KCNT1: variants seen among roughly 807,000 people sequenced by gnomAD.
The protein encoded by KCNT1 is potassium channel subfamily T member 1.
A neutral mutation model predicts 147.8 loss-of-function variants in KCNT1; 78 were observed. The ratio of observed to expected loss-of-function variants is 0.53; its 90% CI spans 0.44 to 0.64. KCNT1 has a LOEUF of 0.64. Ranked by LOEUF, KCNT1 falls within the 30% of genes least tolerant of loss-of-function variation. KCNT1 has a pLI of 0.00. For missense variants in KCNT1, 1,419 were observed against 1,750.3 expected (o/e 0.81, Z 3.38); for synonymous variants, 867 against 748.8 (o/e 1.16, Z -2.58).
At position 135,768,249 on chromosome 9, in the gene KCNT1, G is replaced by C. The variant is rs1204246776; in HGVS notation, c.1338-361G>C. ...AGGCCCAGGATGCCTGCGGGGGGGG[G>C]GGGGGGGGCACTGGGATACCGGTGG... On this transcript the variant is annotated intron_variant, in intron 13 of 30. Transcript: ENST00000371757. Among the ~76,000 whole-genome samples the C allele has an allele frequency of 1.0e-4, 4 of 39,978 alleles. 1 individual carries two copies. Among genetic ancestry groups the C allele is most frequent in the Admixed American group, 2.2e-4 (1 of 4,522 alleles). 26.2% of individuals were successfully genotyped at this position (39,978 alleles called of 152,430 possible).
chr9:135,757,134 G>A (rs764497459), intron 7 of KCNT1, 22 bp from the exon 8 acceptor site: 464 of 1,424,880 alleles, frequency 3.3e-4, no homozygotes, highest in Non-Finnish European at 3.9e-4. Flanking sequence ...CGCCCCCGCT[G>A]ATACCCCCCG....
chr9:135,764,994 G>A (rs770282458), intron 11 of KCNT1, 37 bp from the exon 12 acceptor site: 1 of 1,583,426 alleles, frequency 6.3e-7, no homozygotes, highest in Non-Finnish European at 8.6e-7. Flanking sequence ...CGCTCCCCAG[G>A]CCTGGTCGCT....
At chr9:135,786,052 C>T (rs895114538) in intron 28 of KCNT1, 145 bp from the exon 29 acceptor site, 10 of 672,960 alleles carry the variant, frequency 1.5e-5, no homozygotes, top group Middle Eastern at 3.2e-4. Flanking sequence ...GGTCTGTCGT[C>T]GTCCTCTTCC....
At chr9:135,720,625 G>A (rs1354398665) in intron 2 of KCNT1, among the ~76,000 whole-genome samples, 3 of 152,088 alleles carry the variant, frequency 2.0e-5, no homozygotes, top group South Asian at 2.1e-4. Flanking sequence ...GCTTTGCTCC[G>A]CCTCTCTTGG....
At chr9:135,709,419 G>A (rs1330685622) in intron 1 of KCNT1, among the ~76,000 whole-genome samples, 1 of 152,094 alleles carries the variant, frequency 6.6e-6, no homozygotes. Flanking sequence ...GGCCTCCTCG[G>A]CCACAGATCA....
In KCNT1 at chr9:135,775,247, G is replaced by A. The variant is rs561697170; in HGVS notation, c.2244-63G>A. On this transcript the variant is annotated intron_variant, in intron 19 of 30. Transcript: ENST00000371757. Reference sequence around the variant, plus strand: ...CCTCGAGTCCCCCAGCCCGAGGGGGGCCCCAGAGCAGACCCAGCCACCTCT... The same window carrying A: ...CCTCGAGTCCCCCAGCCCGAGGGGGACCCCAGAGCAGACCCAGCCACCTCT... The A allele has an allele frequency of 7.6e-5, 100 of 1,313,772 alleles. 1 individual carries two copies. The South Asian group carries it at 1.1e-3, about 14-fold the overall frequency. 81.4% of individuals were successfully genotyped at this position (1,313,772 alleles called of 1,614,324 possible).
At chr9:135,727,018 C>T (rs111163087) in intron 2 of KCNT1, among the ~76,000 whole-genome samples, 9 of 61,778 alleles carry the variant, frequency 1.5e-4, no homozygotes, top group Admixed American at 1.9e-4. Context: ...TCCCATTCTC[C>T]CTCTCCCTCT....
chr9:135,750,216 G>A (rs759092625), intron 3 of KCNT1, 39 bp downstream of exon 3: 54 of 1,543,598 alleles, frequency 3.5e-5, no homozygotes, highest in Non-Finnish European at 4.7e-5. Context: ...CAGGCAGGGA[G>A]GTGTTGAGGG....
chr9:135,746,257 A>G (rs892227049), intron 2 of KCNT1, among the ~76,000 whole-genome samples: 30 of 152,158 alleles, frequency 2.0e-4, no homozygotes, highest in African/African-American at 7.0e-4. Flanking sequence ...GGAGGGTGCC[A>G]TCTGTGCAGG....
rs746828967 is a variant in KCNT1, at chr9:135,770,842, G to A, written c.1770-15G>A. 60 of 1,553,790 alleles carry A rather than the reference G, an allele frequency of 3.9e-5. No homozygotes were observed. The highest frequency in any genetic ancestry group is 9.5e-5 in the African/African-American group (7 of 73,418). ...GTGAGCGGCGGTACCTGAAGTTGCC[G>A]GTGCCTCTGCCCAGGTATGGCGTGT... On this transcript the variant is annotated splice_polypyrimidine_tract_variant and intron_variant, in intron 17 of 30. Coordinates refer to ENST00000371757, the MANE Select transcript of KCNT1 (RefSeq NM_020822.3).
rs1831027530 is a variant in KCNT1 at position 135,749,487 on chromosome 9, G to A, written c.255-611G>A. Among the ~76,000 whole-genome samples the A allele has an allele frequency of 2.0e-5, 3 of 152,302 alleles. No homozygotes were observed. In the South Asian group the frequency reaches 6.2e-4, roughly 32 times the overall value. ...GGCCATAGGTGAGCCTGAGGGAAGGGGAGCGGCACTGGCTGGAGGGGCCCC... is the reference window on the plus strand; with the variant it reads ...GGCCATAGGTGAGCCTGAGGGAAGGAGAGCGGCACTGGCTGGAGGGGCCCC... On this transcript the variant is annotated intron_variant, in intron 2 of 30. Coordinates refer to ENST00000371757, the MANE Select transcript of KCNT1 (RefSeq NM_020822.3).
intron 2 of KCNT1, among the ~76,000 whole-genome samples, chr9:135,723,360 T>G (rs541815414): frequency 6.6e-6 from 1 of 152,226 alleles, no homozygotes; most frequent in African/African-American, 2.4e-5. Flanking sequence ...CCAGGAGATA[T>G]CGTCCATCTT....
intron 20 of KCNT1, 41 bp from the exon 21 acceptor site, chr9:135,777,297 A>G (rs748778971): frequency 6.3e-7 from 1 of 1,591,198 alleles, no homozygotes; most frequent in South Asian, 1.1e-5. Context: ...AGCAGGAACC[A>G]CAGCCCTGAC....
chr9:135,743,897 TG>T (rs1330811027), intron 2 of KCNT1, among the ~76,000 whole-genome samples: 1 of 152,258 alleles, frequency 6.6e-6, no homozygotes, highest in African/African-American at 2.4e-5. Flanking sequence ...GTGCCCTTTC[TG>T]GGCCCTTGGG....
chr9:135,740,148 C>T (rs1017432483), intron 2 of KCNT1, among the ~76,000 whole-genome samples: 1 of 152,146 alleles, frequency 6.6e-6, no homozygotes, highest in African/African-American at 2.4e-5. Context: ...CCTCACTTTA[C>T]CTTAATGACC....
rs1834670243 is a variant in KCNT1, at chr9:135,793,237, A to C, written c.*1076A>C. ...GTTACAAACACCTGCTGGGGTCCCCACCCCAACCCCATAGGCAAGCCCCCA... is the reference window on the plus strand; with the variant it reads ...GTTACAAACACCTGCTGGGGTCCCCCCCCCAACCCCATAGGCAAGCCCCCA... On this transcript the variant is annotated 3_prime_UTR_variant, in exon 31 of 31. Coordinates refer to ENST00000371757, the MANE Select transcript of KCNT1 (RefSeq NM_020822.3). 6.6e-6 allele frequency: 1 copy of C among 151,468 alleles called. No homozygotes were observed. Among genetic ancestry groups the C allele is most frequent in the Non-Finnish European group, 1.5e-5 (1 of 67,826 alleles). The allele number at this position is 151,468 out of a possible 1,614,324, so 9.4% of individuals were successfully genotyped here. A position where few individuals can be genotyped will look rare whatever the true frequency, so the allele number is the denominator to read the frequency against.
intron 2 of KCNT1, among the ~76,000 whole-genome samples, chr9:135,747,731 G>T (rs913154348): frequency 6.6e-6 from 1 of 152,082 alleles, no homozygotes; most frequent in Non-Finnish European, 1.5e-5. Flanking sequence ...CACTCTGGGG[G>T]CAGACTGACC....
chr9:135,750,271 T>C (rs971423483), intron 3 of KCNT1, 94 bp downstream of exon 3: 38 of 1,012,322 alleles, frequency 3.8e-5, no homozygotes, highest in Non-Finnish European at 5.2e-5. Flanking sequence ...GGCTGTGAGC[T>C]CAGGGAGAGT....
chr9:135,780,098 C>T (rs1423573923), intron 24 of KCNT1, among the ~76,000 whole-genome samples: 1 of 152,218 alleles, frequency 6.6e-6, no homozygotes. Context: ...AACCCAGGGG[C>T]ACGGGCACTG....
Sources: gnomAD v4.1 joint callset for allele counts (sites outside exome capture counted in the v4.1 genomes callset) on GRCh38, gnomAD v4.1.1 for gene constraint, MANE v1.5 for transcripts, NCBI Gene and HGNC (gene_info 2026-07-23, HGNC 2026-07-21) for gene names.